The following TMEM234 variants were observed in gnomAD, a reference collection of about 807,000 sequenced individuals.
TMEM234 encodes the protein chromosome 1 open reading frame 91.
A neutral mutation model predicts 17.8 loss-of-function variants in TMEM234; 21 were observed. The ratio of observed to expected loss-of-function variants is 1.18; its 90% CI spans 0.84 to 1.70. The LOEUF (loss-of-function observed/expected upper bound fraction) is 1.70, where lower values mean the gene tolerates loss of function less well. Among genes scored for constraint, TMEM234 ranks in the 40% most tolerant of loss-of-function variants. The pLI, the probability that TMEM234 is intolerant of heterozygous loss-of-function variation, is 0.00. For missense variants in TMEM234, 137 were observed against 166.9 expected (o/e 0.82, Z 0.99); for synonymous variants, 83 against 73.5 (o/e 1.13, Z -0.66).
intron 4 of TMEM234, 103 bp downstream of exon 4, chr1:32,217,156 C>T (rs753791754): frequency 9.4e-6 from 15 of 1,603,748 alleles, no homozygotes; most frequent in Middle Eastern, 3.3e-4. Context: ...GGGAAAAGGC[C>T]GTGTCCTCAC....
chr1:32,214,740 G>A, downstream of TMEM234: 4 of 1,606,168 alleles, frequency 2.5e-6, no homozygotes, highest in South Asian at 3.3e-5. Flanking sequence ...GAACTGGGGA[G>A]TAGGAAAGGT....
chr1:32,220,014 G>C (rs1042988569), intron 3 of TMEM234, among the ~76,000 whole-genome samples: 16 of 152,124 alleles, frequency 1.1e-4, no homozygotes, highest in African/African-American at 3.6e-4. Flanking sequence ...AAAGGATACA[G>C]GCAGAAAGGG....
In TMEM234 at chr1:32,216,295, G is replaced by T; in HGVS notation, c.*558C>A. 6.7e-7 allele frequency: 1 copy of T among 1,501,198 alleles called. No individual in the cohort carries two copies. 93.0% of individuals were successfully genotyped at this position (1,501,198 alleles called of 1,614,324 possible). The stretch of plus-strand genomic sequence containing the variant: ...ACAGCTCTCTACCTGTTTAAGAGGG[G>T]CTGGCAGTGAGGATTTCTGCCTACC... On this transcript the variant is annotated 3_prime_UTR_variant, in exon 5 of 5. Transcript: ENST00000309777.
Position 32,222,292 on chromosome 1 carries a change from G to A in TMEM234, c.16+15C>T, listed in dbSNP as rs1350455381. The A allele has an allele frequency of 9.7e-6, 15 of 1,548,548 alleles. No homozygotes were observed. In the African/African-American group the frequency reaches 1.9e-4, roughly 20 times the overall value. On this transcript the variant is annotated intron_variant, in intron 1 of 4. Transcript: ENST00000309777. ...GGGTCGGGAAATCCATGGAAGGGCG[G>A]GGCCGGCTACCTACCCAGAGACGCC...
downstream of TMEM234, chr1:32,214,634 TG>T: frequency 1.0e-6 from 1 of 969,760 alleles, no homozygotes; most frequent in Non-Finnish European, 1.5e-6. Context: ...GTCAGGCTGG[TG>T]GGAAGAGGCA....
At chr1:32,221,538 C>T (rs1469658090) in intron 2 of TMEM234, among the ~76,000 whole-genome samples, 6 of 152,272 alleles carry the variant, frequency 3.9e-5, no homozygotes, top group African/African-American at 7.2e-5. Context: ...CCAAGCCCTC[C>T]CTCTGGAAAG....
At chr1:32,218,755 T>C (rs1012721850) in intron 3 of TMEM234, among the ~76,000 whole-genome samples, 1 of 151,898 alleles carries the variant, frequency 6.6e-6, no homozygotes, top group Admixed American at 6.6e-5. Flanking sequence ...CTGGCCAACA[T>C]TGTGAAACCC....
chr1:32,217,170 C>A, intron 4 of TMEM234, 89 bp downstream of exon 4: 6 of 1,611,494 alleles, frequency 3.7e-6, no homozygotes, highest in Non-Finnish European at 5.1e-6. Context: ...TCCTCACCCA[C>A]TCTGGGGAGA....
chr1:32,217,597 G>C (rs750325584), intron 3 of TMEM234: 1 of 806,908 alleles, frequency 1.2e-6, no homozygotes, highest in Non-Finnish European at 2.0e-6. Context: ...TAATGAGAAT[G>C]AGGTCTTTGC....
chr1:32,217,236 G>A (rs367729364), intron 4 of TMEM234, 23 bp downstream of exon 4: 24 of 1,614,078 alleles, frequency 1.5e-5, no homozygotes, highest in East Asian at 6.7e-5. Flanking sequence ...GCTGCGTCCC[G>A]CACTCGCAGT....
Position 32,222,333 on chromosome 1 carries a change from C to T in TMEM234, c.-11G>A. 3 of 1,562,450 alleles carry T rather than the reference C, an allele frequency of 1.9e-6. No homozygotes were observed. Among genetic ancestry groups the T allele is most frequent in the Non-Finnish European group, 2.6e-6 (3 of 1,151,416 alleles). On this transcript the variant is annotated 5_prime_UTR_variant, in exon 1 of 5. Coordinates refer to ENST00000309777, the MANE Select transcript of TMEM234 (RefSeq NM_019118.5). ...CAGAGACGCCGCCATGGCAACGCCG[C>T]TGTCTTCTACTTCCGGGAACGAAGG...
downstream of TMEM234, chr1:32,215,113 A>C (rs2124214880): frequency 6.3e-6 from 5 of 799,212 alleles, no homozygotes; most frequent in South Asian, 2.1e-5. Flanking sequence ...CTGCCCGTAA[A>C]AAAAAAAAAA....
intron 3 of TMEM234, among the ~76,000 whole-genome samples, chr1:32,219,112 C>CAA (rs59104994): frequency 0.15 from 11,011 of 71,532 alleles, 644 homozygotes; most frequent in South Asian, 0.34. Context: ...AATGCCGTCT[C>CAA]AAAAAAAAAA....
chr1:32,219,418 G>T (rs1177383636), intron 3 of TMEM234, among the ~76,000 whole-genome samples: 4 of 152,016 alleles, frequency 2.6e-5, no homozygotes, highest in African/African-American at 4.8e-5. Flanking sequence ...TTTGAGACAG[G>T]GTCTCTCTCT....
chr1:32,215,050 CT>C, downstream of TMEM234: 4 of 1,277,980 alleles, frequency 3.1e-6, no homozygotes, highest in Non-Finnish European at 3.1e-6. Flanking sequence ...AAAGCCGGCA[CT>C]GGAAAAAAAA....
In TMEM234 at chr1:32,216,435, C is replaced by A; in HGVS notation, c.*418G>T. 1 of 1,551,696 alleles carries A rather than the reference C, an allele frequency of 6.4e-7. No homozygotes were observed. The highest frequency in any genetic ancestry group is 8.7e-7 in the Non-Finnish European group (1 of 1,146,998). On this transcript the variant is annotated 3_prime_UTR_variant, in exon 5 of 5. Transcript: ENST00000309777. ...TCAGCCAAAGCGCTCTGACTGAGTC[C>A]CAGAGGCCTCCCGTTTGCATTTCTG...
At chr1:32,218,797 G>C (rs1450061828) in intron 3 of TMEM234, among the ~76,000 whole-genome samples, 1 of 152,142 alleles carries the variant, frequency 6.6e-6, no homozygotes, top group Admixed American at 6.5e-5. Flanking sequence ...AATTAGCCAG[G>C]CATGGTGGTG....
At position 32,221,137 on chromosome 1, in the gene TMEM234, A is replaced by T; in HGVS notation, c.229T>A (p.Ser77Thr). 6.2e-7 allele frequency: 1 copy of T among 1,613,376 alleles called. No individual in the cohort carries two copies. The highest frequency in any genetic ancestry group is 8.5e-7 in the Non-Finnish European group (1 of 1,179,714). Residue 77 changes from serine to threonine, a missense_variant, in exon 3 of 5, where the codon TCG becomes ACG. Physicochemically the swap from Ser to Thr is moderately conservative, Grantham distance 58 (BLOSUM62 1). Coordinates refer to ENST00000309777, the MANE Select transcript of TMEM234 (RefSeq NM_019118.5). ...GSLLYYLTLA[S>T]TDLTLAVPIC... ...GTTCCAAGCCAGGACCCACCTGTCG[A>T]TGCCAAGGTGAGGTAATAGAGAAGG...
intron 2 of TMEM234, 136 bp downstream of exon 2, chr1:32,221,731 T>G: frequency 2.5e-6 from 3 of 1,216,156 alleles, no homozygotes; most frequent in Non-Finnish European, 2.3e-6. Context: ...ATGATGAAAC[T>G]GAGGCTCAAG....
Sources: allele counts gnomAD v4.1 joint callset (sites outside exome capture counted in the v4.1 genomes callset), GRCh38; gene constraint gnomAD v4.1.1; transcripts MANE v1.5; gene names NCBI Gene and HGNC (gene_info 2026-07-23, HGNC 2026-07-21).